PSMA8: variants seen among roughly 807,000 people sequenced by gnomAD.
PSMA8 encodes the protein proteasome subunit alpha-type 8.
Under a neutral mutation model 32.4 loss-of-function variants are expected in PSMA8, and 18 were observed. The ratio of observed to expected loss-of-function variants is 0.56; its 90% CI spans 0.38 to 0.82. The LOEUF (loss-of-function observed/expected upper bound fraction) is 0.82. PSMA8 is among the 40% of genes least tolerant of loss of function. The pLI, the probability that PSMA8 is intolerant of heterozygous loss-of-function variation, is 0.00. For missense variants in PSMA8, 298 were observed against 300.7 expected, an observed-to-expected ratio of 0.99 and a Z score of 0.07; for synonymous variants, 104 against 98.1, an observed-to-expected ratio of 1.06 and a Z score of -0.36.
chr18:26,167,702 G>A (rs2144324572), intron 4 of PSMA8, among the ~76,000 whole-genome samples: 1 of 152,256 alleles, frequency 6.6e-6, no homozygotes, highest in Admixed American at 6.5e-5. Flanking sequence ...GCCTTGTGAG[G>A]ACACAATGAG....
chr18:26,164,632 T>C (rs2055163216), intron 4 of PSMA8, among the ~76,000 whole-genome samples: 1 of 152,120 alleles, frequency 6.6e-6, no homozygotes, highest in African/African-American at 2.4e-5. Context: ...TTAATGTTAA[T>C]GAAAAACAAA....
intron 3 of PSMA8, 133 bp downstream of exon 3, chr18:26,152,115 A>G: frequency 9.5e-6 from 5 of 528,782 alleles, no homozygotes. Flanking sequence ...TCTCACACTT[A>G]CTTTATATTC....
chr18:26,143,163 T>C (rs1191840433), intron 1 of PSMA8, among the ~76,000 whole-genome samples: 1 of 152,172 alleles, frequency 6.6e-6, no homozygotes, highest in East Asian at 1.9e-4. Flanking sequence ...TGTTATAACA[T>C]TGATGAGAAA....
chr18:26,179,522 A>T (rs375708887), intron 6 of PSMA8, among the ~76,000 whole-genome samples: 1 of 152,016 alleles, frequency 6.6e-6, no homozygotes, highest in East Asian at 1.9e-4. Context: ...TAGCACGATA[A>T]CCTTTCCATA....
chr18:26,171,578 A>G (rs1225834865), intron 4 of PSMA8, among the ~76,000 whole-genome samples: 2 of 152,170 alleles, frequency 1.3e-5, no homozygotes, highest in Admixed American at 6.5e-5. Flanking sequence ...TACTAAAAAT[A>G]CCAAAATTAG....
At chr18:26,158,503 CTATT>C (rs1196681255) in intron 4 of PSMA8, among the ~76,000 whole-genome samples, 1 of 152,114 alleles carries the variant, frequency 6.6e-6, no homozygotes, top group Non-Finnish European at 1.5e-5. Flanking sequence ...TATCCAGTTC[CTATT>C]TATTTATTAT....
chr18:26,191,410 C>G lies in PSMA8; in HGVS notation c.661-909C>G, dbSNP rs1445501440. On this transcript the variant is annotated intron_variant, in intron 6 of 6. Transcript: ENST00000415576. ...TTGGGAGGCTGAGGCGGGCAGATCA[C>G]TTGAGGTCAGGAGTTCAAGACCAGC... Among the ~76,000 whole-genome samples, 3 of 152,010 alleles carry G rather than the reference C, an allele frequency of 2.0e-5. No individual in the cohort carries two copies. In the East Asian group the frequency reaches 5.8e-4, roughly 29 times the overall value.
chr18:26,181,783 G>A (rs542835155), intron 6 of PSMA8, among the ~76,000 whole-genome samples: 12 of 152,298 alleles, frequency 7.9e-5, no homozygotes, highest in African/African-American at 2.6e-4. Flanking sequence ...ATTTAGCCAC[G>A]TGTGGTGGCA....
At chr18:26,144,831 A>T in intron 2 of PSMA8, 146 bp downstream of exon 2, 3 of 622,184 alleles carry the variant, frequency 4.8e-6, no homozygotes, top group Non-Finnish European at 7.5e-6. Context: ...AGCAAATACT[A>T]ACTTTGTAAA....
chr18:26,158,871 G>T (rs989899458), intron 4 of PSMA8, among the ~76,000 whole-genome samples: 1 of 152,108 alleles, frequency 6.6e-6, no homozygotes, highest in Admixed American at 6.6e-5. Flanking sequence ...TACTTGGGAG[G>T]CTGAGACAGG....
chr18:26,165,045 G>A (rs2055167034), intron 4 of PSMA8, among the ~76,000 whole-genome samples: 1 of 152,096 alleles, frequency 6.6e-6, no homozygotes, highest in South Asian at 2.1e-4. Context: ...AGCCTCCCAA[G>A]TAGCTGGGAT....
At chr18:26,149,564 A>T (rs2055029205) in intron 2 of PSMA8, among the ~76,000 whole-genome samples, 1 of 152,226 alleles carries the variant, frequency 6.6e-6, no homozygotes, top group Admixed American at 6.5e-5. Context: ...TAGTTTCATG[A>T]CTGGCTTAAT....
intron 3 of PSMA8, 22 bp downstream of exon 3, chr18:26,152,004 C>A: frequency 6.4e-7 from 1 of 1,569,958 alleles, no homozygotes; most frequent in Non-Finnish European, 8.6e-7. Flanking sequence ...TTCTAACATA[C>A]TTTGTTAAGC....
In PSMA8 at chr18:26,144,581, T is replaced by C. The variant is rs1470153304; in HGVS notation, c.125T>C (p.Ile42Thr). The C allele has an allele frequency of 3.1e-6, 5 of 1,613,238 alleles. No individual in the cohort carries two copies. The highest frequency in any genetic ancestry group is 4.2e-6 in the Non-Finnish European group (5 of 1,179,270). The change falls in exon 2 of 7, where the codon ATA (isoleucine) becomes ACA (threonine). Residue 42 changes from isoleucine to threonine, a missense_variant. By Grantham distance (89) the Ile-to-Thr change is moderately conservative. Coordinates refer to ENST00000415576, the MANE Select transcript of PSMA8 (RefSeq NM_001025096.2). ...CAGGTCGGAATTCGAGGTACCAATA[T>C]AGTTGTTCTTGGGGTAGAAAAAAAA... ...STAVGIRGTN[I>T]VVLGVEKKSV... is the part of the protein sequence containing the mutation.
chr18:26,164,653 G>A (rs1315463301), intron 4 of PSMA8, among the ~76,000 whole-genome samples: 2 of 152,060 alleles, frequency 1.3e-5, no homozygotes, highest in African/African-American at 2.4e-5. Flanking sequence ...ATAAAGGCAT[G>A]GAAACTTTTC....
chr18:26,144,801 C>A, intron 2 of PSMA8, 116 bp downstream of exon 2: 2 of 919,218 alleles, frequency 2.2e-6, no homozygotes, highest in East Asian at 2.6e-5. Flanking sequence ...GTTCTACAAA[C>A]AATATATCCT....
chr18:26,140,600 C>T (rs935531014), intron 1 of PSMA8, among the ~76,000 whole-genome samples: 1 of 152,176 alleles, frequency 6.6e-6, no homozygotes, highest in Non-Finnish European at 1.5e-5. Flanking sequence ...ATTCTGCCAT[C>T]TTGCTGATGT....
In PSMA8 at chr18:26,145,140, CAG is replaced by C. The variant is rs71925913; in HGVS notation, c.229+458_229+459del. On this transcript the variant is annotated intron_variant, in intron 2 of 6. Coordinates refer to ENST00000415576, the MANE Select transcript of PSMA8 (RefSeq NM_001025096.2). The stretch of plus-strand genomic sequence containing the variant: ...TTTGTTTTTATTTTTATTTTTGAGA[CAG>C]AGTTTCACTCTTGTTGCCCAGGCTG... 6.9e-3 allele frequency among the ~76,000 whole-genome samples: 1,055 copies of C among 152,168 alleles called. 14 individuals carry two copies. The highest frequency in any genetic ancestry group is 0.025 in the African/African-American group (1,020 of 41,514).
At chr18:26,154,137 A>G (rs1012428328) in intron 3 of PSMA8, among the ~76,000 whole-genome samples, 1 of 152,156 alleles carries the variant, frequency 6.6e-6, no homozygotes, top group Non-Finnish European at 1.5e-5. Context: ...CCTGAGCTCA[A>G]GTGATCTGCC....
Sources: allele counts gnomAD v4.1 joint callset (sites outside exome capture counted in the v4.1 genomes callset), GRCh38; gene constraint gnomAD v4.1.1; transcripts MANE v1.5; gene names NCBI Gene and HGNC (gene_info 2026-07-23, HGNC 2026-07-21).